CD7: variants seen among roughly 807,000 people sequenced by gnomAD.
CD7 encodes the protein T-cell antigen CD7.
CD7 carries 19 observed loss-of-function variants against 17.6 expected under a neutral mutation model. The ratio of observed to expected loss-of-function variants is 1.08; its 90% CI spans 0.75 to 1.58. The LOEUF (loss-of-function observed/expected upper bound fraction) is 1.58. CD7 is among the 40% of genes most tolerant of loss of function. The probability of loss-of-function intolerance (pLI) is 0.00; values close to 1 mark genes in which losing one functional copy is unlikely to be tolerated. For missense variants in CD7, 291 were observed against 327.1 expected (o/e 0.89, Z 0.85); for synonymous variants, 160 against 159.8 (o/e 1.00, Z -0.01).
In CD7 at chr17:82,315,262, T is replaced by A; in HGVS notation, c.*59A>T. 1 of 759,470 alleles carries A rather than the reference T, an allele frequency of 1.3e-6. No homozygotes were observed. The highest frequency in any genetic ancestry group is 4.8e-5 in the African/African-American group (1 of 20,900). The allele number at this position is 759,470 out of a possible 1,614,324, so 47.0% of individuals were successfully genotyped here. A position where few individuals can be genotyped will look rare whatever the true frequency, so the allele number is the denominator to read the frequency against. On this transcript the variant is annotated 3_prime_UTR_variant, in exon 4 of 4. Transcript: ENST00000312648. ...GAGGGGTGTGGCAGGGTGGGGGGCA[T>A]GGTGGGGCAGGGAAGGTGCTGGGGG... is the stretch of plus-strand genomic sequence containing the variant.
In CD7 at chr17:82,315,340, G is replaced by T; in HGVS notation, c.704C>A (p.Ser235Tyr). Residue 235 changes from serine to tyrosine, a missense_variant, in exon 4 of 4, where the codon TCC (serine) becomes TAC (tyrosine). Physicochemically the swap from Ser to Tyr is moderately radical, Grantham distance 144. Coordinates refer to ENST00000312648, the MANE Select transcript of CD7 (RefSeq NM_006137.7). ...MSHSRCNTLS[S>Y]PNQYQ ...ACTGGGTCACTGGTACTGGTTGGGG[G>T]AGGACAGCGTGTTGCAGCGGCTGTG... is the stretch of plus-strand genomic sequence containing the variant. 1.2e-6 allele frequency: 2 copies of T among 1,612,662 alleles called. No individual in the cohort carries two copies. Among genetic ancestry groups the T allele is most frequent in the Non-Finnish European group, 1.7e-6 (2 of 1,179,128 alleles).
Position 82,315,548 on chromosome 17 carries a change from G to T in CD7, c.613-117C>A, listed in dbSNP as rs1010029249. ...ACCCCCACGGGGCTCCTCTGGGCTG[G>T]CCCCCAGGTCTCCTGAGCCCCAGGG... On this transcript the variant is annotated intron_variant, in intron 3 of 3. Transcript: ENST00000312648. 3.9e-6 allele frequency: 3 copies of T among 766,850 alleles called. No homozygotes were observed. In the African/African-American group the frequency reaches 5.1e-5, roughly 13 times the overall value. 47.5% of individuals were successfully genotyped at this position (766,850 alleles called of 1,614,324 possible). A position where few individuals can be genotyped will look rare whatever the true frequency, so the allele number is the denominator to read the frequency against.
rs1330877347 is a variant in CD7 at position 82,316,673 on chromosome 17, C to T, written c.391G>A (p.Val131Met). 1.9e-6 allele frequency: 3 copies of T among 1,610,794 alleles called. No homozygotes were observed. Among genetic ancestry groups the T allele is most frequent in the Non-Finnish European group, 1.7e-6 (2 of 1,179,938 alleles). Residue 131 changes from valine (V) to methionine (M), a missense_variant, in exon 2 of 4, where the codon GTG becomes ATG. Val to Met is a conservative substitution (Grantham distance 21, BLOSUM62 1). Transcript: ENST00000312648. ...NVYGSGTLVL[V>M]TEEQSQGWHR... is the part of the protein sequence containing the mutation. Reference sequence around the variant, plus strand: ...GGATGGGCACATTCCCTACCTGTCACCAGGACCAGGGTGCCGGAGCCGTAG... The same window carrying T: ...GGATGGGCACATTCCCTACCTGTCATCAGGACCAGGGTGCCGGAGCCGTAG...
At position 82,317,405 on chromosome 17, in the gene CD7, A is replaced by G; in HGVS notation, c.82+9T>C. On this transcript the variant is annotated intron_variant, in intron 1 of 3. Transcript: ENST00000312648. ...AGCTGTGGCCATGGAGAGCCTGGGAAGCTCTTACCTTGGGCAGCCAGGGCC... is the reference window on the plus strand; with the variant it reads ...AGCTGTGGCCATGGAGAGCCTGGGAGGCTCTTACCTTGGGCAGCCAGGGCC... 6.4e-7 allele frequency: 1 copy of G among 1,551,432 alleles called. No individual in the cohort carries two copies.
In CD7 at chr17:82,316,426, A is replaced by G. The variant is rs1283612446; in HGVS notation, c.398-17T>C. 6.5e-7 allele frequency: 1 copy of G among 1,542,592 alleles called. No homozygotes were observed. The highest frequency in any genetic ancestry group is 2.4e-5 in the East Asian group (1 of 42,468). ...ACTGTTCCTCTGAGAAGGAAAAAAG[A>G]AGGAAGGGATTCTCCCGGTGGAGAA... On this transcript the variant is annotated splice_polypyrimidine_tract_variant and intron_variant, in intron 2 of 3. Transcript: ENST00000312648.
chr17:82,316,757 G>T lies in CD7; in HGVS notation c.307C>A (p.Arg103Ser). The T allele has an allele frequency of 6.2e-7, 1 of 1,613,794 alleles. No homozygotes were observed. Among genetic ancestry groups the T allele is most frequent in the Non-Finnish European group, 8.5e-7 (1 of 1,179,958 alleles). ...SQDNLTITMH[R>S]LQLSDTGTYT... ...GTGCCAGTGTCCGACAGCTGCAGGC[G>T]GTGCATGGTGATAGTCAGGTTGTCC... is the stretch of plus-strand genomic sequence containing the variant. The change falls in exon 2 of 4, where the codon CGC becomes AGC. Residue 103 changes from arginine to serine, a missense_variant. Arg to Ser is a moderately radical substitution (Grantham distance 110). Coordinates refer to ENST00000312648, the MANE Select transcript of CD7 (RefSeq NM_006137.7).
chr17:82,315,969 G>T, intron 3 of CD7: 1 of 649,604 alleles, frequency 1.5e-6, no homozygotes, highest in Non-Finnish European at 2.7e-6. Flanking sequence ...ACGCGCACAC[G>T]CGCACACGCG....
In CD7 at chr17:82,315,449, C is replaced by T. The variant is rs755297694; in HGVS notation, c.613-18G>A. ...TTCTTTATCTGAAAGACAGAACCGC[C>T]GTCTCCAACCAGTGGCCAGCGTGGT... On this transcript the variant is annotated intron_variant, in intron 3 of 3. Coordinates refer to ENST00000312648, the MANE Select transcript of CD7 (RefSeq NM_006137.7). 6 of 1,599,002 alleles carry T rather than the reference C, an allele frequency of 3.8e-6. No homozygotes were observed. The highest frequency in any genetic ancestry group is 2.2e-5 in the East Asian group (1 of 44,800).
intron 1 of CD7, 54 bp downstream of exon 1, chr17:82,317,360 T>A (rs1427444661): frequency 6.7e-7 from 1 of 1,487,354 alleles, no homozygotes; most frequent in Non-Finnish European, 9.1e-7. Flanking sequence ...TCTGAGCTCA[T>A]GGGGCAGGGA....
chr17:82,315,269 G>T lies in CD7; in HGVS notation c.*52C>A. On this transcript the variant is annotated 3_prime_UTR_variant, in exon 4 of 4. Transcript: ENST00000312648. ...GTGGCAGGGTGGGGGGCATGGTGGG[G>T]CAGGGAAGGTGCTGGGGGGACCACA... 2 of 974,706 alleles carry T rather than the reference G, an allele frequency of 2.1e-6. No homozygotes were observed. Among genetic ancestry groups the T allele is most frequent in the Non-Finnish European group, 3.0e-6 (2 of 671,708 alleles). 60.4% of individuals were successfully genotyped at this position (974,706 alleles called of 1,614,324 possible).
At position 82,315,305 on chromosome 17, in the gene CD7, G is replaced by C. The variant is rs1442404743; in HGVS notation, c.*16C>G. 1 of 1,568,706 alleles carries C rather than the reference G, an allele frequency of 6.4e-7. No homozygotes were observed. The highest frequency in any genetic ancestry group is 8.8e-7 in the Non-Finnish European group (1 of 1,140,626). ...GCTGGGGGGACCACAGGCGGGACGTGCAGGGGCCCACTGGGTCACTGGTAC... is the reference window on the plus strand; with the variant it reads ...GCTGGGGGGACCACAGGCGGGACGTCCAGGGGCCCACTGGGTCACTGGTAC... On this transcript the variant is annotated 3_prime_UTR_variant, in exon 4 of 4. Coordinates refer to ENST00000312648, the MANE Select transcript of CD7 (RefSeq NM_006137.7).
In CD7 at chr17:82,315,421, AG is replaced by A; in HGVS notation, c.622del (p.Leu208CysfsTer?). 1 of 1,613,668 alleles carries A rather than the reference AG, an allele frequency of 6.2e-7. No individual in the cohort carries two copies. Among genetic ancestry groups the A allele is most frequent in the Non-Finnish European group, 8.5e-7 (1 of 1,179,702 alleles). On this transcript the variant is annotated frameshift_variant, in exon 4 of 4. Transcript: ENST00000312648. LOFTEE classifies it low-confidence loss of function (END_TRUNC). ...CVLARTQIKK[L>X]CSWRDKNSAA... ...CGAATTCTTATCCCGCCACGAGCAC[AG>A]TTTCTTTATCTGAAAGACAGAACCG...
intron 1 of CD7, chr17:82,317,191 GCTT>G: frequency 1.5e-6 from 1 of 660,038 alleles, no homozygotes; most frequent in Non-Finnish European, 2.6e-6. Flanking sequence ...GAGACTGTGG[GCTT>G]CTTCCTCCCA....
At chr17:82,316,079 TG>T (rs2052010704) in intron 3 of CD7, 115 bp downstream of exon 3, 1 of 1,111,780 alleles carries the variant, frequency 9.0e-7, no homozygotes, top group Admixed American at 2.0e-5. Context: ...TTCCAGAGCC[TG>T]CAGAGGAGGC....
chr17:82,316,781 C>T lies in CD7; in HGVS notation c.283G>A (p.Asp95Asn). The T allele has an allele frequency of 6.2e-7, 1 of 1,613,878 alleles. No individual in the cohort carries two copies. The highest frequency in any genetic ancestry group is 8.5e-7 in the Non-Finnish European group (1 of 1,179,944). Residue 95 changes from aspartate (D) to asparagine (N), a missense_variant, in exon 2 of 4, where the codon GAC becomes AAC. Coordinates refer to ENST00000312648, the MANE Select transcript of CD7 (RefSeq NM_006137.7). ...RGRIDFSGSQ[D>N]NLTITMHRLQ... is the part of the protein sequence containing the mutation. ...CGGTGCATGGTGATAGTCAGGTTGT[C>T]CTGGGACCCTGAGAAGTCGATGCGG... is the stretch of plus-strand genomic sequence containing the variant.
At chr17:82,316,597 G>A in intron 2 of CD7, 70 bp downstream of exon 2, 1 of 1,509,074 alleles carries the variant, frequency 6.6e-7, no homozygotes, top group Non-Finnish European at 9.1e-7. Flanking sequence ...CCCACGACAA[G>A]GGCTGGGGGA....
At position 82,315,015 on chromosome 17, in the gene CD7, C is replaced by G. The variant is rs538315859; in HGVS notation, c.*306G>C. Reference sequence around the variant, plus strand: ...AGAGGGCCGCGTGCCCAGGCCCATCCCACAGAAAAGCCCTCCTTGGCCATG... The same window carrying G: ...AGAGGGCCGCGTGCCCAGGCCCATCGCACAGAAAAGCCCTCCTTGGCCATG... On this transcript the variant is annotated 3_prime_UTR_variant, in exon 4 of 4. Transcript: ENST00000312648. 20 of 360,606 alleles carry G rather than the reference C, an allele frequency of 5.5e-5. No homozygotes were observed. The highest frequency in any genetic ancestry group is 4.0e-4 in the African/African-American group (19 of 48,032). The allele number at this position is 360,606 out of a possible 1,614,324, so 22.3% of individuals were successfully genotyped here. A position where few individuals can be genotyped will look rare whatever the true frequency, so the allele number is the denominator to read the frequency against.
Position 82,316,264 on chromosome 17 carries a change from C to G in CD7, c.543G>C (p.Ala181=), listed in dbSNP as rs551520887. 6.3e-7 allele frequency: 1 copy of G among 1,575,826 alleles called. No homozygotes were observed. The highest frequency in any genetic ancestry group is 1.2e-5 in the South Asian group (1 of 86,004). ...PDPPAASALP[A]ALAVISFLLG... ...GGAGGAAGGAGATCACCGCCAGGGC[C>G]GCAGGGAGGGCAGAGGCTGCTGGCG... is the stretch of plus-strand genomic sequence containing the variant. Residue 181 remains alanine (A), a synonymous_variant, in exon 3 of 4, where the codon GCG becomes GCC. Coordinates refer to ENST00000312648, the MANE Select transcript of CD7 (RefSeq NM_006137.7).
chr17:82,316,339 CGGT>C lies in CD7; in HGVS notation c.465_467del (p.Pro156del), dbSNP rs767647477. 6 of 1,588,340 alleles carry C rather than the reference CGGT, an allele frequency of 3.8e-6. No individual in the cohort carries two copies. The highest frequency in any genetic ancestry group is 1.3e-5 in the African/African-American group (1 of 74,434). ...GCGGGTCAGGGAGGGCGGAGCCTGT[CGGT>C]GGGGCAGGGAGGGCAGAGGCCCTTG... On this transcript the variant is annotated inframe_deletion, in exon 3 of 4. Coordinates refer to ENST00000312648, the MANE Select transcript of CD7 (RefSeq NM_006137.7).
Sources: gnomAD v4.1 joint callset for allele counts on GRCh38, gnomAD v4.1.1 for gene constraint, MANE v1.5 for transcripts, NCBI Gene and HGNC (gene_info 2026-07-23, HGNC 2026-07-21) for gene names.